Variants in ALOX5 observed in about 807,000 individuals in gnomAD.
The protein encoded by ALOX5 is arachidonate 5-lipoxygenase, also known as polyunsaturated fatty acid 5-lipoxygenase.
A neutral mutation model predicts 87.9 loss-of-function variants in ALOX5; 64 were observed. The ratio of observed to expected loss-of-function variants is 0.73; its 90% CI spans 0.60 to 0.90. The LOEUF is 0.90. Among genes scored for constraint, ALOX5 ranks in the 40% least tolerant of loss-of-function variants. The probability of loss-of-function intolerance (pLI) is 0.00; values close to 1 mark genes in which losing one functional copy is unlikely to be tolerated. For missense variants in ALOX5, 822 were observed against 907.5 expected, an observed-to-expected ratio of 0.91 and a Z score of 1.21; for synonymous variants, 388 against 355.1, an observed-to-expected ratio of 1.09 and a Z score of -1.04.
At chr10:45,422,350 A>G (rs1457826307) in intron 4 of ALOX5, among the ~76,000 whole-genome samples, 1 of 152,108 alleles carries the variant, frequency 6.6e-6, no homozygotes, top group Non-Finnish European at 1.5e-5. Context: ...TTTCCCCATG[A>G]CAAGGTGTGT....
In ALOX5 at chr10:45,440,490, T is replaced by C; in HGVS notation, c.1042T>C (p.Trp348Arg). The C allele has an allele frequency of 6.2e-7, 1 of 1,614,254 alleles. No individual in the cohort carries two copies. Among genetic ancestry groups the C allele is most frequent in the Non-Finnish European group, 8.5e-7 (1 of 1,180,040 alleles). ...CCTCCCTTCGGATGCAAAATACGAC[T>C]GGCTTTTGGCCAAAATCTGGGTGCG... is the stretch of plus-strand genomic sequence containing the variant. Reference protein sequence around the residue: ...IFLPSDAKYDWLLAKIWVRSS... With the variant: ...IFLPSDAKYDRLLAKIWVRSS... The change falls in exon 8 of 14, where the codon TGG (tryptophan) becomes CGG (arginine). Residue 348 changes from tryptophan (W) to arginine (R), a missense_variant. Physicochemically the swap from Trp to Arg is moderately radical, Grantham distance 101. Coordinates refer to ENST00000374391, the MANE Select transcript of ALOX5 (RefSeq NM_000698.5).
Position 45,423,885 on chromosome 10 carries a change from G to A in ALOX5, c.555-156G>A, listed in dbSNP as rs183728028. The stretch of plus-strand genomic sequence containing the variant: ...AGAACAGCATCCCGTATAGATGCCA[G>A]TTTCTGACCTGGTTCTGAAAAGCCA... On this transcript the variant is annotated intron_variant, in intron 4 of 13. Transcript: ENST00000374391. 1.6e-4 allele frequency among the ~76,000 whole-genome samples: 24 copies of A among 152,280 alleles called. No homozygotes were observed. In the East Asian group the frequency reaches 4.2e-3, roughly 27 times the overall value.
Position 45,399,068 on chromosome 10 carries a change from AATGG to A in ALOX5, c.431+3136_431+3139del, listed in dbSNP as rs1840610330. 2.6e-5 allele frequency among the ~76,000 whole-genome samples: 4 copies of A among 152,368 alleles called. No individual in the cohort carries two copies. In the East Asian group the frequency reaches 7.7e-4, roughly 29 times the overall value. On this transcript the variant is annotated intron_variant, in intron 3 of 13. Transcript: ENST00000374391. The stretch of plus-strand genomic sequence containing the variant: ...AGTGTACACAACCCAAACGTCCATT[AATGG>A]ATGAATGGATAAAATATAGTATATC...
At chr10:45,426,987 C>G (rs1841727769) in intron 6 of ALOX5, among the ~76,000 whole-genome samples, 2 of 152,186 alleles carry the variant, frequency 1.3e-5, no homozygotes, top group African/African-American at 4.8e-5. Flanking sequence ...AGCCAGTGCC[C>G]ACGGCCAGGA....
chr10:45,389,484 C>T (rs1840127755), intron 2 of ALOX5, among the ~76,000 whole-genome samples: 1 of 152,144 alleles, frequency 6.6e-6, no homozygotes, highest in Non-Finnish European at 1.5e-5. Flanking sequence ...ATCAGACTAA[C>T]AGCTGATCTC....
chr10:45,384,202 G>C (rs914920170), intron 2 of ALOX5, among the ~76,000 whole-genome samples: 1 of 152,170 alleles, frequency 6.6e-6, no homozygotes, highest in Non-Finnish European at 1.5e-5. Flanking sequence ...TCAGTAGAAA[G>C]GTTCTGGGGA....
rs1011748737 is a variant in ALOX5 at position 45,417,075 on chromosome 10, A to G, written c.554+4762A>G. Reference sequence around the variant, plus strand: ...GCCTCTGTATCTTAGCAGCTGTCACAGAATAGGTGCTCATTAAATCCTATT... The same window carrying G: ...GCCTCTGTATCTTAGCAGCTGTCACGGAATAGGTGCTCATTAAATCCTATT... On this transcript the variant is annotated intron_variant, in intron 4 of 13. Coordinates refer to ENST00000374391, the MANE Select transcript of ALOX5 (RefSeq NM_000698.5). Among the ~76,000 whole-genome samples the G allele has an allele frequency of 4.6e-5, 7 of 152,252 alleles. No individual in the cohort carries two copies. The South Asian group carries it at 1.5e-3, about 32-fold the overall frequency.
chr10:45,409,390 T>A (rs1211555758), intron 3 of ALOX5, among the ~76,000 whole-genome samples: 1 of 152,240 alleles, frequency 6.6e-6, no homozygotes, highest in Non-Finnish European at 1.5e-5. Flanking sequence ...ACAGTGATTA[T>A]TCTCTTTGTC....
intron 3 of ALOX5, among the ~76,000 whole-genome samples, chr10:45,404,808 G>C (rs1477013529): frequency 6.6e-6 from 1 of 152,150 alleles, no homozygotes; most frequent in African/African-American, 2.4e-5. Context: ...AGAGTTGCAG[G>C]GTTGCAGACC....
chr10:45,416,690 G>A (rs183845246), intron 4 of ALOX5, among the ~76,000 whole-genome samples: 20 of 151,450 alleles, frequency 1.3e-4, no homozygotes, highest in African/African-American at 4.1e-4. Context: ...GCAGATGGAT[G>A]GGTTGAGGGA....
intron 12 of ALOX5, 114 bp from the exon 13 acceptor site, chr10:45,444,002 G>A (rs1589053319): frequency 6.9e-7 from 1 of 1,441,134 alleles, no homozygotes; most frequent in Admixed American, 2.4e-5. Context: ...GAAAGAGGAT[G>A]GACGGACTGC....
chr10:45,435,315 G>T (rs1230110982), intron 7 of ALOX5, among the ~76,000 whole-genome samples: 1 of 151,004 alleles, frequency 6.6e-6, no homozygotes, highest in African/African-American at 2.4e-5. Flanking sequence ...GTGCAGGTTT[G>T]TTACATGGTT....
intron 7 of ALOX5, 35 bp from the exon 8 acceptor site, chr10:45,440,395 T>C: frequency 6.3e-7 from 1 of 1,598,966 alleles, no homozygotes; most frequent in Non-Finnish European, 8.6e-7. Context: ...TGAAGTGAAA[T>C]ATAGCAGTGT....
chr10:45,402,919 C>T (rs1032797758), intron 3 of ALOX5, among the ~76,000 whole-genome samples: 1 of 152,172 alleles, frequency 6.6e-6, no homozygotes, highest in African/African-American at 2.4e-5. Flanking sequence ...TCGGGGAAAT[C>T]AGAAGATCAC....
intron 1 of ALOX5, among the ~76,000 whole-genome samples, chr10:45,380,093 G>T (rs1292276788): frequency 2.0e-5 from 3 of 152,190 alleles, no homozygotes; most frequent in Non-Finnish European, 4.4e-5. Context: ...TGAGACTCCT[G>T]TCCCATCAGA....
intron 1 of ALOX5, among the ~76,000 whole-genome samples, chr10:45,378,843 A>G (rs975366828): frequency 6.6e-5 from 10 of 152,168 alleles, no homozygotes; most frequent in African/African-American, 2.4e-4. Flanking sequence ...TGGGCTGGCC[A>G]TAGACCAGCC....
intron 4 of ALOX5, among the ~76,000 whole-genome samples, chr10:45,420,339 G>C (rs1471760488): frequency 6.6e-6 from 1 of 152,196 alleles, no homozygotes; most frequent in Non-Finnish European, 1.5e-5. Context: ...TGCTAAGGTA[G>C]CATCATGTTG....
intron 1 of ALOX5, among the ~76,000 whole-genome samples, chr10:45,374,891 G>A (rs1454129392): frequency 6.6e-6 from 1 of 152,168 alleles, no homozygotes; most frequent in African/African-American, 2.4e-5. Flanking sequence ...GGGCACCTCG[G>A]AGCAGCCAGC....
intron 1 of ALOX5, among the ~76,000 whole-genome samples, chr10:45,376,334 CG>C (rs1268908700): frequency 3.0e-4 from 1 of 3,346 alleles, no homozygotes; most frequent in African/African-American, 1.1e-3. Context: ...AGGGGTGGGG[CG>C]GGGGGTGGTT....
Sources: gnomAD v4.1 joint callset for allele counts (sites outside exome capture counted in the v4.1 genomes callset) on GRCh38, gnomAD v4.1.1 for gene constraint, MANE v1.5 for transcripts, NCBI Gene and HGNC (gene_info 2026-07-23, HGNC 2026-07-21) for gene names.